The following NEB variants were observed in gnomAD, a reference collection of about 807,000 sequenced individuals.
NEB encodes nebulin.
NEB carries 512 observed loss-of-function variants against 952.2 expected under a neutral mutation model. That is an observed-to-expected ratio of 0.54 (90% confidence interval 0.50 to 0.58). The LOEUF is 0.58. Ranked by LOEUF, NEB falls within the 20% of genes least tolerant of loss-of-function variation. The pLI, the probability that NEB is intolerant of heterozygous loss-of-function variation, is 0.00. For missense variants in NEB, 8,428 were observed against 9,231.1 expected (o/e 0.91, Z 3.56); for synonymous variants, 2,900 against 3,149.8 (o/e 0.92, Z 2.66).
At chr2:151,721,883 T>G (rs1470736222) in intron 9 of NEB, among the ~76,000 whole-genome samples, 1 of 152,220 alleles carries the variant, frequency 6.6e-6, no homozygotes, top group Non-Finnish European at 1.5e-5. Context: ...TTGTTACACC[T>G]TCTCTATTTC....
rs758646407 is a variant in NEB, at chr2:151,563,896, G to A, written c.18506C>T (p.Ala6169Val). 1.2e-6 allele frequency: 2 copies of A among 1,611,948 alleles called. No homozygotes were observed. Among genetic ancestry groups the A allele is most frequent in the South Asian group, 2.2e-5 (2 of 90,770 alleles). Reference sequence around the variant, plus strand: ...GCGCTCATCCAGGGTGTAGCCATAGGCCTTGGTGCCCTCCCACGCCCCTTT... The same window carrying A: ...GCGCTCATCCAGGGTGTAGCCATAGACCTTGGTGCCCTCCCACGCCCCTTT... The part of the protein sequence containing the change: ...LYKGAWEGTK[A>V]YGYTLDERYI... Residue 6169 changes from alanine to valine, a missense_variant, in exon 118 of 182, where the codon GCC (alanine) becomes GTC (valine). Physicochemically the swap from Ala to Val is moderately conservative, Grantham distance 64 (BLOSUM62 0). Transcript: ENST00000397345.
rs1461539455 is a variant in NEB, at chr2:151,619,478, T to G, written c.10845A>C (p.Ala3615=). 6.2e-7 allele frequency: 1 copy of G among 1,610,830 alleles called. No individual in the cohort carries two copies. The highest frequency in any genetic ancestry group is 8.5e-7 in the Non-Finnish European group (1 of 1,177,538). ...CACTCTGGAGGTCATAGGCTTTCCG[T>G]GCATGAATGATGTCATTCTGGTCGG... ...CLPDQNDIIH[A]RKAYDLQSDN... is the part of the protein sequence containing the mutation. Residue 3615 remains alanine, a synonymous_variant, in exon 73 of 182, where the codon GCA becomes GCC. Transcript: ENST00000397345.
At chr2:151,733,341 A>G (rs1186011906) in intron 2 of NEB, among the ~76,000 whole-genome samples, 156 bp from the exon 3 acceptor site, 1 of 152,246 alleles carries the variant, frequency 6.6e-6, no homozygotes, top group Non-Finnish European at 1.5e-5. Context: ...AAATACAAGT[A>G]TAAACAGCAG....
At position 151,684,793 on chromosome 2, in the gene NEB, A is replaced by G. The variant is rs1217380476; in HGVS notation, c.2820T>C (p.Tyr940=). ...GGTTACTCACATCGCTCTGCAGCGCATATGCCTTCTTGGCAAGGTCCACAT... is the reference window on the plus strand; with the variant it reads ...GGTTACTCACATCGCTCTGCAGCGCGTATGCCTTCTTGGCAAGGTCCACAT... The part of the protein sequence containing the change: ...SINVDLAKKA[Y]ALQSDVEYKA... The change falls in exon 28 of 182, where the codon TAT becomes TAC. Residue 940 remains tyrosine, a synonymous_variant. Coordinates refer to ENST00000397345, the MANE Select transcript of NEB (RefSeq NM_001164508.2). The G allele has an allele frequency of 1.9e-6, 3 of 1,608,726 alleles. No individual in the cohort carries two copies. Among genetic ancestry groups the G allele is most frequent in the Non-Finnish European group, 8.5e-7 (1 of 1,177,080 alleles).
chr2:151,707,055 C>A, intron 12 of NEB, 58 bp from the exon 13 acceptor site: 1 of 1,099,090 alleles, frequency 9.1e-7, no homozygotes, highest in South Asian at 1.5e-5. Flanking sequence ...GCCCCCGTCT[C>A]TATTATGAAT....
Position 151,654,085 on chromosome 2 carries a change from A to C in NEB, c.6822T>G (p.Leu2274=), listed in dbSNP as rs1002275178. Residue 2274 remains leucine (L), a synonymous_variant, in exon 52 of 182, where the codon CTT becomes CTG. Transcript: ENST00000397345. ...CTTTCTTCAAAGCTTCTTCCCATCC[A>C]AGTTTATAGAGTTTCTGAAAATTAA... ...QTLYSQKLYK[L]GWEEALKKGY... is the part of the protein sequence containing the mutation. The C allele has an allele frequency of 2.6e-5, 41 of 1,602,752 alleles. 1 individual carries two copies. Among genetic ancestry groups the C allele is most frequent in the Non-Finnish European group, 3.5e-5 (41 of 1,174,388 alleles).
intron 72 of NEB, among the ~76,000 whole-genome samples, chr2:151,620,349 A>G (rs1321485560): frequency 5.3e-3 from 180 of 33,662 alleles, no homozygotes; most frequent in African/African-American, 0.014. Context: ...ATGTGTGTGT[A>G]TATATATATA....
intron 171 of NEB, chr2:151,497,386 A>ATTATT: frequency 2.0e-6 from 2 of 980,180 alleles, no homozygotes; most frequent in Non-Finnish European, 2.4e-6. Context: ...TGAAAAACTC[A>ATTATT]TTATTTTAAA....
chr2:151,519,142 G>A, intron 154 of NEB, 73 bp from the exon 155 acceptor site: 1 of 924,598 alleles, frequency 1.1e-6, no homozygotes, highest in Non-Finnish European at 1.7e-6. Flanking sequence ...ATCAAAGTGA[G>A]ATAGCCCATC....
At chr2:151,513,496 T>G (rs2075912787) in intron 160 of NEB, 84 bp downstream of exon 160, 1 of 966,090 alleles carries the variant, frequency 1.0e-6, no homozygotes, top group Non-Finnish European at 1.6e-6. Flanking sequence ...CTGTCACCAA[T>G]AAATCAGATG....
intron 157 of NEB, among the ~76,000 whole-genome samples, chr2:151,515,570 A>G (rs1324562109): frequency 1.3e-5 from 2 of 152,078 alleles, no homozygotes. Context: ...GCACAGAGGA[A>G]TTGTATGGTT....
chr2:151,499,558 A>G lies in NEB; in HGVS notation c.24022-168T>C. 4.0e-6 allele frequency: 2 copies of G among 495,324 alleles called. 1 individual carries two copies. Among genetic ancestry groups the G allele is most frequent in the South Asian group, 5.2e-5 (2 of 38,718 alleles). 30.7% of individuals were successfully genotyped at this position (495,324 alleles called of 1,614,324 possible). A position where few individuals can be genotyped will look rare whatever the true frequency, so the allele number is the denominator to read the frequency against. On this transcript the variant is annotated intron_variant, in intron 168 of 181. Transcript: ENST00000397345. ...AGATCTGGGTGAGAACATGTTTTGT[A>G]TTTCCTTAGTGAAATATCAGTGTAT...
intron 68 of NEB, among the ~76,000 whole-genome samples, chr2:151,629,284 T>C (rs866696788): frequency 5.9e-5 from 9 of 152,238 alleles, no homozygotes; most frequent in Middle Eastern, 3.2e-3. Context: ...TGAAAAATTA[T>C]AGAATCACAT....
At chr2:151,496,518 T>G in intron 172 of NEB, 150 bp from the exon 173 acceptor site, 3 of 1,440,770 alleles carry the variant, frequency 2.1e-6, no homozygotes, top group Non-Finnish European at 2.8e-6. Flanking sequence ...ACCAGCTACT[T>G]TAGTGGAAGC....
chr2:151,578,653 G>A (rs1271399096), intron 105 of NEB, among the ~76,000 whole-genome samples: 1 of 150,326 alleles, frequency 6.7e-6, no homozygotes, highest in Non-Finnish European at 1.5e-5. Context: ...GAGGGAAGGA[G>A]GGAAAGAGAC....
Position 151,687,615 on chromosome 2 carries a change from G to C in NEB, c.2523+11C>G. 6.2e-7 allele frequency: 1 copy of C among 1,613,422 alleles called. No homozygotes were observed. Among genetic ancestry groups the C allele is most frequent in the Non-Finnish European group, 8.5e-7 (1 of 1,179,570 alleles). On this transcript the variant is annotated intron_variant, in intron 26 of 181. Coordinates refer to ENST00000397345, the MANE Select transcript of NEB (RefSeq NM_001164508.2). ...CCTGTCCAGGTCCCCAGGTCCCCAG[G>C]CCACACTCACATCGCTGGTGTTCTT... is the stretch of plus-strand genomic sequence containing the variant.
intron 153 of NEB, among the ~76,000 whole-genome samples, chr2:151,521,519 CAA>C (rs2082007727): frequency 6.6e-6 from 1 of 152,078 alleles, no homozygotes; most frequent in African/African-American, 2.4e-5. Context: ...GAGATGTTCC[CAA>C]GAGTTGTGAA....
At chr2:151,508,782 T>C (rs2071431119) in intron 161 of NEB, among the ~76,000 whole-genome samples, 1 of 152,214 alleles carries the variant, frequency 6.6e-6, no homozygotes, top group South Asian at 2.1e-4. Flanking sequence ...GACATCACTA[T>C]TCCTTGGGCT....
rs1270007103 is a variant in NEB, at chr2:151,492,510, C to T, written c.24766-16G>A. 1.9e-6 allele frequency: 3 copies of T among 1,567,396 alleles called. No individual in the cohort carries two copies. Among genetic ancestry groups the T allele is most frequent in the East Asian group, 2.2e-5 (1 of 44,662 alleles). ...AATAAAGAACCTGATGCAGGAGAGA[C>T]CGTGAATGAGTGGTGCTGTCCTAAA... On this transcript the variant is annotated splice_polypyrimidine_tract_variant and intron_variant, in intron 176 of 181. Coordinates refer to ENST00000397345, the MANE Select transcript of NEB (RefSeq NM_001164508.2).
Sources: gnomAD v4.1 joint callset for allele counts (sites outside exome capture counted in the v4.1 genomes callset) on GRCh38, gnomAD v4.1.1 for gene constraint, MANE v1.5 for transcripts, NCBI Gene and HGNC (gene_info 2026-07-23, HGNC 2026-07-21) for gene names.